SH3BP4: variants seen among roughly 807,000 people sequenced by gnomAD.
SH3BP4 encodes the protein SH3 domain binding protein 4.
In SH3BP4, 33 loss-of-function variants were observed where a neutral mutation model predicts 65.5. That is an observed-to-expected ratio of 0.50 (90% CI 0.38 to 0.67). The LOEUF (loss-of-function observed/expected upper bound fraction) is 0.67. Among genes scored for constraint, SH3BP4 ranks in the 30% least tolerant of loss-of-function variants. The pLI is 0.00. For missense variants in SH3BP4, 1,134 were observed against 1,261.4 expected (o/e 0.90, Z 1.53); for synonymous variants, 552 against 545.5 (o/e 1.01, Z -0.17).
At chr2:235,007,459 A>G (rs149962298) in intron 2 of SH3BP4, among the ~76,000 whole-genome samples, 4 of 152,216 alleles carry the variant, frequency 2.6e-5, no homozygotes, top group African/African-American at 4.8e-5. Flanking sequence ...AGGAGGGAGG[A>G]GGTTCCAACC....
In SH3BP4 at chr2:234,952,243, C is replaced by A; in HGVS notation, c.-207+73C>A. Reference sequence around the variant, plus strand: ...GCCGGCGGGGGCGCGGGGTCGTGCTCGGGGGCTTTGCACTCCCTTGCGGGC... The same window carrying A: ...GCCGGCGGGGGCGCGGGGTCGTGCTAGGGGGCTTTGCACTCCCTTGCGGGC... On this transcript the variant is annotated intron_variant, in intron 1 of 5. Transcript: ENST00000392011. The surrounding 1 kb of genome is among the most constrained non-coding windows in gnomAD (Gnocchi z 6.5). 2 of 150,206 alleles carry A rather than the reference C, an allele frequency of 1.3e-5. No homozygotes were observed. The highest frequency in any genetic ancestry group is 3.7e-4 in the South Asian group (2 of 5,410). 9.3% of individuals were successfully genotyped at this position (150,206 alleles called of 1,614,324 possible).
intron 2 of SH3BP4, among the ~76,000 whole-genome samples, chr2:235,006,570 C>T (rs1429167559): frequency 6.6e-6 from 1 of 152,114 alleles, no homozygotes; most frequent in Non-Finnish European, 1.5e-5. Flanking sequence ...CCTGTGCTCT[C>T]AGGGGCCTGT....
Position 235,053,948 on chromosome 2 carries a change from T to C in SH3BP4, c.*132T>C. 1.5e-6 allele frequency: 1 copy of C among 688,022 alleles called. No homozygotes were observed. Among genetic ancestry groups the C allele is most frequent in the Non-Finnish European group, 2.5e-6 (1 of 404,806 alleles). 42.6% of individuals were successfully genotyped at this position (688,022 alleles called of 1,614,324 possible). A position where few individuals can be genotyped will look rare whatever the true frequency, so the allele number is the denominator to read the frequency against. On this transcript the variant is annotated 3_prime_UTR_variant, in exon 6 of 6. Transcript: ENST00000392011. ...CAGATTTAGGGCCCGCCAGCTAGGC[T>C]ACACCCATCATGCGCCGCCCTCCTC...
intron 4 of SH3BP4, among the ~76,000 whole-genome samples, chr2:235,048,519 A>G (rs1424801672): frequency 6.8e-6 from 1 of 147,326 alleles, no homozygotes; most frequent in Non-Finnish European, 1.5e-5. Flanking sequence ...TTTTGTCTGT[A>G]GTAGAGACAA....
chr2:235,012,881 A>G (rs1439368094), intron 2 of SH3BP4, among the ~76,000 whole-genome samples: 2 of 152,178 alleles, frequency 1.3e-5, no homozygotes, highest in Non-Finnish European at 2.9e-5. Flanking sequence ...CAGGTGAGAA[A>G]GCCAAGGACC....
chr2:235,013,544 C>T (rs1490069076), intron 2 of SH3BP4, among the ~76,000 whole-genome samples: 4 of 152,142 alleles, frequency 2.6e-5, no homozygotes, highest in Non-Finnish European at 4.4e-5. Flanking sequence ...GTGCATATAC[C>T]GCTGCAGACG....
At chr2:235,023,949 C>G (rs893949024) in intron 2 of SH3BP4, among the ~76,000 whole-genome samples, 2 of 152,122 alleles carry the variant, frequency 1.3e-5, no homozygotes, top group African/African-American at 4.8e-5. Flanking sequence ...CTTTGATTTC[C>G]TAAAGACGGG....
intron 2 of SH3BP4, among the ~76,000 whole-genome samples, chr2:235,012,789 A>C (rs754278337): frequency 1.3e-5 from 2 of 152,178 alleles, no homozygotes; most frequent in Non-Finnish European, 2.9e-5. Context: ...ATGCCGTGCC[A>C]TTGTCCCAAC....
At position 235,034,181 on chromosome 2, in the gene SH3BP4, C is replaced by T. The variant is rs1055690247; in HGVS notation, c.-132-690C>T. On this transcript the variant is annotated intron_variant, in intron 2 of 5. Coordinates refer to ENST00000392011, the MANE Select transcript of SH3BP4 (RefSeq NM_014521.3). The surrounding 1 kb of genome is among the most constrained non-coding windows in gnomAD (Gnocchi z 6.2). ...CCCTTCCAGAAAAAAAAAGCAGAGGCCTTAGGGGTGATTCTTGTGGTCTCT... is the reference window on the plus strand; with the variant it reads ...CCCTTCCAGAAAAAAAAAGCAGAGGTCTTAGGGGTGATTCTTGTGGTCTCT... Among the ~76,000 whole-genome samples, 2 of 152,102 alleles carry T rather than the reference C, an allele frequency of 1.3e-5. No homozygotes were observed. Among genetic ancestry groups the T allele is most frequent in the South Asian group, 2.1e-4 (1 of 4,826 alleles).
intron 1 of SH3BP4, among the ~76,000 whole-genome samples, chr2:234,955,258 C>T (rs1692559957): frequency 6.6e-6 from 1 of 152,138 alleles, no homozygotes. Context: ...GAGCGAGCCT[C>T]AGGCCAAGCA....
In SH3BP4 at chr2:235,043,257, C is replaced by T. The variant is rs774472229; in HGVS notation, c.2478+10C>T. On this transcript the variant is annotated intron_variant, in intron 4 of 5. Coordinates refer to ENST00000392011, the MANE Select transcript of SH3BP4 (RefSeq NM_014521.3). ...GAAGGAGCTTGTGATGGTGAGTGCT[C>T]AGCAGGTGCCTGGGCGTTCAGGGGT... The T allele has an allele frequency of 6.5e-7, 1 of 1,548,730 alleles. No homozygotes were observed. Among genetic ancestry groups the T allele is most frequent in the South Asian group, 1.2e-5 (1 of 82,032 alleles).
chr2:234,961,707 G>T (rs1692718900), intron 1 of SH3BP4, among the ~76,000 whole-genome samples: 1 of 152,332 alleles, frequency 6.6e-6, no homozygotes, highest in African/African-American at 2.4e-5. Context: ...CAGCATCTGA[G>T]TTGAACAGAG....
rs532149801 is a variant in SH3BP4, at chr2:234,967,830, C to A, written c.-207+15660C>A. Among the ~76,000 whole-genome samples, 1 of 152,228 alleles carries A rather than the reference C, an allele frequency of 6.6e-6. No homozygotes were observed. Among genetic ancestry groups the A allele is most frequent in the South Asian group, 2.1e-4 (1 of 4,818 alleles). On this transcript the variant is annotated intron_variant, in intron 1 of 5. Coordinates refer to ENST00000392011, the MANE Select transcript of SH3BP4 (RefSeq NM_014521.3). The surrounding 1 kb of genome is among the most constrained non-coding windows in gnomAD (Gnocchi z 4.6). ...CCAGGATCCCTGCCACCCTGAGTGG[C>A]GGATGCTGCAGAGACAACTCTTTAT...
chr2:235,053,043 AG>A (rs968520165), intron 5 of SH3BP4, among the ~76,000 whole-genome samples: 1 of 152,238 alleles, frequency 6.6e-6, no homozygotes, highest in Non-Finnish European at 1.5e-5. Context: ...TACCATCCGT[AG>A]GGTTGAATAA....
Position 234,977,068 on chromosome 2 carries a change from C to A in SH3BP4, c.-206-18235C>A, listed in dbSNP as rs1174343814. On this transcript the variant is annotated intron_variant, in intron 1 of 5. Coordinates refer to ENST00000392011, the MANE Select transcript of SH3BP4 (RefSeq NM_014521.3). This position sits in a 1 kb window ranked among gnomAD's most constrained non-coding sequence, Gnocchi z 5.1. ...GGGTGGCGGGAGGCCTGTGGGAATT[C>A]TCTGTATTATCTCCACGACTTTTCT... Among the ~76,000 whole-genome samples, 3 of 152,304 alleles carry A rather than the reference C, an allele frequency of 2.0e-5. No individual in the cohort carries two copies. The highest frequency in any genetic ancestry group is 2.1e-4 in the South Asian group (1 of 4,826).
chr2:234,975,473 T>C (rs532888539), intron 1 of SH3BP4, among the ~76,000 whole-genome samples: 14 of 152,310 alleles, frequency 9.2e-5, no homozygotes, highest in Non-Finnish European at 1.9e-4. Context: ...TCGGGCCTAA[T>C]TCTAGAATCC....
chr2:235,052,490 T>C lies in SH3BP4; in HGVS notation c.2479-72T>C. 2 of 1,281,606 alleles carry C rather than the reference T, an allele frequency of 1.6e-6. No individual in the cohort carries two copies. Among genetic ancestry groups the C allele is most frequent in the Non-Finnish European group, 2.1e-6 (2 of 948,442 alleles). 79.4% of individuals were successfully genotyped at this position (1,281,606 alleles called of 1,614,324 possible). On this transcript the variant is annotated intron_variant, in intron 4 of 5. Coordinates refer to ENST00000392011, the MANE Select transcript of SH3BP4 (RefSeq NM_014521.3). The surrounding 1 kb of genome is among the most constrained non-coding windows in gnomAD (Gnocchi z 5.0). ...CCATGGCCATTCCTGCGCCGTCTGC[T>C]GGAATTCTGCGGGGAGCAGAGCCTG... is the stretch of plus-strand genomic sequence containing the variant.
At position 235,042,407 on chromosome 2, in the gene SH3BP4, G is replaced by A. The variant is rs748856149; in HGVS notation, c.1638G>A (p.Thr546=). The change falls in exon 4 of 6, where the codon ACG becomes ACA. Residue 546 remains threonine, a synonymous_variant. Coordinates refer to ENST00000392011, the MANE Select transcript of SH3BP4 (RefSeq NM_014521.3). The surrounding 1 kb of genome is among the most constrained non-coding windows in gnomAD (Gnocchi z 7.3). ...AGGTCTGTATGTTTTCCAATATGAC[G>A]AATTACGAGGTCAAAGCCAGCGAGC... The part of the protein sequence containing the change: ...DLKVCMFSNM[T]NYEVKASEQA... 1.1e-5 allele frequency: 18 copies of A among 1,613,974 alleles called. No homozygotes were observed. In the East Asian group the frequency reaches 1.8e-4, roughly 16 times the overall value.
chr2:235,004,460 C>T (rs1050198205), intron 2 of SH3BP4, among the ~76,000 whole-genome samples: 1 of 152,162 alleles, frequency 6.6e-6, no homozygotes, highest in African/African-American at 2.4e-5. Context: ...GTTGTGCAAC[C>T]ACCACCTCTT....
Sources: gnomAD v4.1 joint callset for allele counts (sites outside exome capture counted in the v4.1 genomes callset) on GRCh38, gnomAD v4.1.1 for gene constraint, Gnocchi (gnomAD v3.1) non-coding constraint, MANE v1.5 for transcripts, NCBI Gene and HGNC (gene_info 2026-07-23, HGNC 2026-07-21) for gene names.